The following LRTM3 variants were observed in gnomAD, a reference collection of about 807,000 sequenced individuals.
The protein encoded by LRTM3 is leucine-rich repeat transmembrane protein 3.
the LRTM3 span, chr13:102,742,659 C>A: frequency 2.0e-5 from 31 of 1,550,546 alleles, no homozygotes; most frequent in South Asian, 3.5e-4. Flanking sequence ...GCATAACCTG[C>A]AGTATCAGGT....
chr13:102,739,871 A>G, the LRTM3 span: 2 of 1,550,124 alleles, frequency 1.3e-6, no homozygotes, highest in East Asian at 2.4e-5. Flanking sequence ...CACATTGACC[A>G]TTTTGTCTGT....
At chr13:102,745,580 T>C in the LRTM3 span, 3 of 1,551,030 alleles carry the variant, frequency 1.9e-6, no homozygotes, top group Admixed American at 5.9e-5. Context: ...AATTCCACAT[T>C]TGGGATTCAC....
At chr13:102,749,404 A>G in the LRTM3 span, 1 of 1,551,378 alleles carries the variant, frequency 6.4e-7, no homozygotes, top group Non-Finnish European at 8.7e-7. Flanking sequence ...CAGTGACTAA[A>G]TTTGGATTCA....
the LRTM3 span, chr13:102,758,399 A>G: frequency 4.0e-6 from 6 of 1,510,082 alleles, no homozygotes; most frequent in East Asian, 2.5e-5. Context: ...TTTTTGTGAT[A>G]TATCACATAC....
At chr13:102,758,686 A>G in the LRTM3 span, 1 of 1,523,888 alleles carries the variant, frequency 6.6e-7, no homozygotes, top group South Asian at 1.2e-5. Flanking sequence ...AGGGGAAATC[A>G]ACCATTTATT....
the LRTM3 span, chr13:102,731,100 G>T: frequency 1.3e-6 from 2 of 1,551,286 alleles, no homozygotes; most frequent in Non-Finnish European, 1.7e-6. Context: ...TGAGGCAATA[G>T]CATCTCACTA....
chr13:102,731,579 G>A, the LRTM3 span: 1 of 1,551,348 alleles, frequency 6.4e-7, no homozygotes, highest in Non-Finnish European at 8.7e-7. Context: ...AGGCTTATAG[G>A]CTTGTATGTT....
chr13:102,741,348 C>A, the LRTM3 span: 1 of 1,549,342 alleles, frequency 6.5e-7, no homozygotes, highest in Non-Finnish European at 8.7e-7. Flanking sequence ...GATTCAGAAT[C>A]CAGAATACTT....
At chr13:102,730,515 T>C in the LRTM3 span, 21 of 1,551,694 alleles carry the variant, frequency 1.4e-5, no homozygotes, top group South Asian at 5.9e-5. Context: ...TGTTTGTTTT[T>C]TTCTGGAGTC....
chr13:102,734,799 C>T, the LRTM3 span: 8 of 1,551,080 alleles, frequency 5.2e-6, no homozygotes, highest in Non-Finnish European at 7.0e-6. Flanking sequence ...GTCAGAACCA[C>T]ACCTGGTTCA....
the LRTM3 span, chr13:102,736,110 C>T: frequency 1.5e-5 from 23 of 1,541,098 alleles, no homozygotes; most frequent in Non-Finnish European, 2.0e-5. Context: ...GAGCTAATAC[C>T]TTCATTTGAA....
the LRTM3 span, chr13:102,746,868 C>T: frequency 6.4e-7 from 1 of 1,551,312 alleles, no homozygotes; most frequent in Non-Finnish European, 8.7e-7. Context: ...TCTGAATCTG[C>T]AGTGCATTTG....
chr13:102,746,249 C>A, the LRTM3 span: 1 of 1,550,838 alleles, frequency 6.4e-7, no homozygotes, highest in Non-Finnish European at 8.7e-7. Context: ...CGCCTCAGAC[C>A]CCAGGTGCTG....
chr13:102,743,517 T>C, the LRTM3 span: 1 of 1,548,800 alleles, frequency 6.5e-7, no homozygotes, highest in Non-Finnish European at 8.7e-7. Flanking sequence ...TCCTTCATAG[T>C]TAAACATTTG....
At chr13:102,736,760 A>G in the LRTM3 span, 1 of 1,550,894 alleles carries the variant, frequency 6.4e-7, no homozygotes, top group East Asian at 2.4e-5. Context: ...CTCGGGATGC[A>G]TTACACTTTT....
At chr13:102,732,861 T>C in the LRTM3 span, 1 of 1,551,322 alleles carries the variant, frequency 6.4e-7, no homozygotes, top group East Asian at 2.4e-5. Context: ...TCTAGATTTA[T>C]ATTGGTGTTT....
At chr13:102,741,454 AC>A in the LRTM3 span, 4 of 1,550,074 alleles carry the variant, frequency 2.6e-6, no homozygotes, top group Non-Finnish European at 3.5e-6. Flanking sequence ...GTCCTTTAGA[AC>A]CTACAAATAT....
chr13:102,744,135 A>G, the LRTM3 span: 2 of 1,550,654 alleles, frequency 1.3e-6, no homozygotes, highest in Non-Finnish European at 1.7e-6. Flanking sequence ...TTGTACTTAA[A>G]ACGGTGTTGC....
At chr13:102,748,232 C>T in the LRTM3 span, 5 of 1,551,168 alleles carry the variant, frequency 3.2e-6, no homozygotes, top group Non-Finnish European at 4.4e-6. Context: ...TCCAGTGTTG[C>T]ATTCCAGTTC....
Sources: allele counts gnomAD v4.1 joint callset, GRCh38; gene constraint gnomAD v4.1.1; transcripts MANE v1.5; gene names NCBI Gene and HGNC (gene_info 2026-07-23, HGNC 2026-07-21).